Variants in SLC24A2 observed in about 807,000 individuals in gnomAD.
The protein encoded by SLC24A2 is solute carrier family 24 member 2, also known as sodium/potassium/calcium exchanger 2.
A neutral mutation model predicts 62.0 loss-of-function variants in SLC24A2; 36 were observed. The ratio of observed to expected loss-of-function variants is 0.58; its 90% CI spans 0.44 to 0.77. The LOEUF is 0.77. SLC24A2 is among the 30% of genes least tolerant of loss of function. SLC24A2 has a pLI of 0.00. For missense variants in SLC24A2, 846 were observed against 817.9 expected, an observed-to-expected ratio of 1.03 and a Z score of -0.42; for synonymous variants, 358 against 294.0, an observed-to-expected ratio of 1.22 and a Z score of -2.23.
chr9:19,797,406 C>T, the SLC24A2 span, among the ~76,000 whole-genome samples: 26 of 152,254 alleles, frequency 1.7e-4, no homozygotes, highest in African/African-American at 1.9e-4. Flanking sequence ...ATATCACAGG[C>T]CTTTCTAAAA....
At chr9:19,883,776 A>G in the SLC24A2 span, among the ~76,000 whole-genome samples, 17 of 152,260 alleles carry the variant, frequency 1.1e-4, no homozygotes, top group East Asian at 9.7e-4. Flanking sequence ...TGTGTTAGCC[A>G]GGATGGTCTT....
intron 2 of SLC24A2, among the ~76,000 whole-genome samples, chr9:19,728,302 GA>G (rs561269789): frequency 0.019 from 2,326 of 119,404 alleles, 23 homozygotes; most frequent in Admixed American, 0.036. Flanking sequence ...ATTAGTGACA[GA>G]AAAAAAAAAA....
chr9:19,898,003 T>C, the SLC24A2 span, among the ~76,000 whole-genome samples: 3 of 152,194 alleles, frequency 2.0e-5, no homozygotes, highest in Non-Finnish European at 2.9e-5. Flanking sequence ...TTGGAAATCA[T>C]GACTACAGCA....
At chr9:20,217,135 A>G in the SLC24A2 span, among the ~76,000 whole-genome samples, 3 of 152,238 alleles carry the variant, frequency 2.0e-5, no homozygotes, top group Non-Finnish European at 4.4e-5. Context: ...CCGTACAACA[A>G]TAAGAATGAA....
At chr9:19,540,338 T>C (rs1288947624) in intron 8 of SLC24A2, among the ~76,000 whole-genome samples, 1 of 145,248 alleles carries the variant, frequency 6.9e-6, no homozygotes, top group Non-Finnish European at 1.5e-5. Context: ...TTGCAGCGGC[T>C]GGTACCGGTT....
At chr9:19,754,820 C>A (rs754431524) in intron 2 of SLC24A2, among the ~76,000 whole-genome samples, 1 of 151,998 alleles carries the variant, frequency 6.6e-6, no homozygotes, top group Non-Finnish European at 1.5e-5. Context: ...CTCTCCTGCT[C>A]GACAGGCAGA....
chr9:19,918,443 T>C, the SLC24A2 span, among the ~76,000 whole-genome samples: 3 of 150,558 alleles, frequency 2.0e-5, no homozygotes, highest in African/African-American at 7.3e-5. Context: ...GCTTTGAGAA[T>C]GTGTGTGGTT....
chr9:19,947,808 A>AAAAGAAAGAAAGAAAGAAAGAAAG, the SLC24A2 span, among the ~76,000 whole-genome samples: 351 of 59,228 alleles, frequency 5.9e-3, no homozygotes, highest in Middle Eastern at 8.1e-3. Context: ...AAAAAAAAAA[A>AAAAGAAAGAAAGAAAGAAAGAAAG]AAAGAAAGAA....
the SLC24A2 span, among the ~76,000 whole-genome samples, chr9:19,844,836 C>G: frequency 6.6e-6 from 1 of 151,976 alleles, no homozygotes; most frequent in Non-Finnish European, 1.5e-5. Context: ...AGGTGCACAG[C>G]TTTATTTCTG....
the SLC24A2 span, among the ~76,000 whole-genome samples, chr9:20,181,316 T>C: frequency 6.6e-6 from 1 of 152,150 alleles, no homozygotes; most frequent in Non-Finnish European, 1.5e-5. Flanking sequence ...TGATGTATTT[T>C]AAAGTCCACC....
intron 8 of SLC24A2, among the ~76,000 whole-genome samples, chr9:19,538,355 CTTA>C (rs1834078569): frequency 1.4e-5 from 2 of 143,356 alleles, no homozygotes; most frequent in Admixed American, 1.4e-4. Context: ...ATAGATAGCT[CTTA>C]TTATTTTGAA....
chr9:19,991,224 A>G, the SLC24A2 span, among the ~76,000 whole-genome samples: 3 of 152,216 alleles, frequency 2.0e-5, no homozygotes, highest in South Asian at 6.2e-4. Context: ...TCTGTGGCTG[A>G]AGGCCCAAGA....
At chr9:19,694,946 C>T (rs776179680) in intron 2 of SLC24A2, among the ~76,000 whole-genome samples, 32 of 151,830 alleles carry the variant, frequency 2.1e-4, no homozygotes, top group African/African-American at 5.1e-4. Flanking sequence ...CTTTTTCCTC[C>T]GGCAAAGATG....
At chr9:19,543,836 T>C (rs1834409090) in intron 8 of SLC24A2, among the ~76,000 whole-genome samples, 1 of 152,062 alleles carries the variant, frequency 6.6e-6, no homozygotes, top group Non-Finnish European at 1.5e-5. Context: ...TGCTGAGGAG[T>C]GTTTTACTTC....
chr9:19,819,549 A>T, the SLC24A2 span, among the ~76,000 whole-genome samples: 1 of 152,224 alleles, frequency 6.6e-6, no homozygotes, highest in South Asian at 2.1e-4. Flanking sequence ...TGGGCTAAGG[A>T]CATGAATAGA....
At chr9:19,585,484 T>C (rs1836346453) in intron 5 of SLC24A2, among the ~76,000 whole-genome samples, 1 of 152,242 alleles carries the variant, frequency 6.6e-6, no homozygotes, top group Non-Finnish European at 1.5e-5. Context: ...CCAGAAGCAA[T>C]GACTCCTTTT....
chr9:20,165,367 G>T, the SLC24A2 span, among the ~76,000 whole-genome samples: 4 of 151,722 alleles, frequency 2.6e-5, no homozygotes, highest in African/African-American at 9.7e-5. Context: ...AACTGAAAAG[G>T]AAGAGATATG....
the SLC24A2 span, among the ~76,000 whole-genome samples, chr9:20,230,484 G>C: frequency 6.6e-6 from 1 of 152,206 alleles, no homozygotes; most frequent in African/African-American, 2.4e-5. Flanking sequence ...CTGATGGCCA[G>C]TGATGATGAC....
At chr9:19,810,226 A>G in the SLC24A2 span, among the ~76,000 whole-genome samples, 2 of 152,304 alleles carry the variant, frequency 1.3e-5, no homozygotes, top group East Asian at 3.9e-4. Context: ...TGCTCATGCC[A>G]GGCACAGTCT....
Sources: gnomAD v4.1 joint callset for allele counts (sites outside exome capture counted in the v4.1 genomes callset) on GRCh38, gnomAD v4.1.1 for gene constraint, MANE v1.5 for transcripts, NCBI Gene and HGNC (gene_info 2026-07-23, HGNC 2026-07-21) for gene names.